Variants in RAPGEFL1 observed in about 807,000 individuals in gnomAD.
RAPGEFL1 encodes Rap guanine nucleotide exchange factor like 1, also known as rap guanine nucleotide exchange factor-like 1.
In RAPGEFL1, 31 loss-of-function variants were observed where a neutral mutation model predicts 64.4. The ratio of observed to expected loss-of-function variants is 0.48; its 90% CI spans 0.36 to 0.65. RAPGEFL1 has a LOEUF of 0.65. Ranked by LOEUF, RAPGEFL1 falls within the 30% of genes least tolerant of loss-of-function variation. The pLI is 0.00. For synonymous variants in RAPGEFL1, 331 were observed against 274.1 expected (o/e 1.21, Z -2.05); for missense variants, 682 against 677.4 (o/e 1.01, Z -0.08).
chr17:40,183,820 CTTT>C (rs754031449), intron 2 of RAPGEFL1, among the ~76,000 whole-genome samples: 1 of 95,142 alleles, frequency 1.1e-5, no homozygotes, highest in Non-Finnish European at 2.2e-5. Flanking sequence ...CGCGCCTGGC[CTTT>C]TTTTTTTTTG....
intron 5 of RAPGEFL1, 47 bp downstream of exon 5, chr17:40,189,025 G>A: frequency 6.4e-7 from 1 of 1,559,498 alleles, no homozygotes. Context: ...GTGGCTCAGG[G>A]GGACATATCT....
rs1990245867 is a variant in RAPGEFL1 at position 40,191,097 on chromosome 17, C to T, written c.1336-219C>T. The stretch of plus-strand genomic sequence containing the variant: ...ATGTCAGCCGTGAGCGAATGCCTGG[C>T]ACCTAGTAAGTGCTCAGTAGCTGGT... On this transcript the variant is annotated intron_variant, in intron 8 of 14. Coordinates refer to ENST00000620260, the MANE Select transcript of RAPGEFL1 (RefSeq NM_016339.6). The surrounding 1 kb of genome is among the most constrained non-coding windows in gnomAD (Gnocchi z 5.1). 5.0e-6 allele frequency: 3 copies of T among 599,430 alleles called. No homozygotes were observed. The South Asian group carries it at 6.3e-5, about 13-fold the overall frequency. 37.1% of individuals were successfully genotyped at this position (599,430 alleles called of 1,614,324 possible). A position where few individuals can be genotyped will look rare whatever the true frequency, so the allele number is the denominator to read the frequency against.
intron 1 of RAPGEFL1, among the ~76,000 whole-genome samples, chr17:40,179,954 C>T (rs1011939848): frequency 3.3e-5 from 5 of 152,282 alleles, no homozygotes; most frequent in South Asian, 2.1e-4. Flanking sequence ...CATAACTTCC[C>T]GCCTACACCA....
At chr17:40,177,416 A>C, upstream of RAPGEFL1, 2 of 437,744 alleles carry the variant, frequency 4.6e-6, no homozygotes, top group East Asian at 7.5e-5. Context: ...GAGGAAGGGT[A>C]GGGGCGGGGA....
intron 4 of RAPGEFL1, among the ~76,000 whole-genome samples, chr17:40,185,412 G>C (rs985063474): frequency 6.6e-6 from 1 of 151,558 alleles, no homozygotes; most frequent in Non-Finnish European, 1.5e-5. Context: ...GGGCAAGGTG[G>C]CTTATGCCTG....
Position 40,191,570 on chromosome 17 carries a change from C to T in RAPGEFL1, c.1515-12C>T. ...CGCCGCCCGCCCCTGACCCCGCCTCCCACCCCCGCAGCTGCAAGCAGAACC... is the reference window on the plus strand; with the variant it reads ...CGCCGCCCGCCCCTGACCCCGCCTCTCACCCCCGCAGCTGCAAGCAGAACC... On this transcript the variant is annotated splice_polypyrimidine_tract_variant and intron_variant, in intron 9 of 14. Transcript: ENST00000620260. The surrounding 1 kb of genome is among the most constrained non-coding windows in gnomAD (Gnocchi z 5.1). The T allele has an allele frequency of 6.3e-7, 1 of 1,597,844 alleles. No homozygotes were observed. The highest frequency in any genetic ancestry group is 8.5e-7 in the Non-Finnish European group (1 of 1,173,664).
chr17:40,177,762 G>T lies in RAPGEFL1; in HGVS notation c.-100G>T, dbSNP rs1041953321. The T allele has an allele frequency of 2.0e-4, 82 of 408,968 alleles. No homozygotes were observed. The highest frequency in any genetic ancestry group is 3.1e-4 in the Admixed American group (7 of 22,676). The allele number at this position is 408,968 out of a possible 1,614,324, so 25.3% of individuals were successfully genotyped here. On this transcript the variant is annotated 5_prime_UTR_variant, in exon 1 of 15. Coordinates refer to ENST00000620260, the MANE Select transcript of RAPGEFL1 (RefSeq NM_016339.6). ...GGCGCCTGGCACGGCCCTCTACTCT[G>T]CTCCTCCAGCTCTGAGCATCGTGTC...
rs530754993 is a variant in RAPGEFL1, at chr17:40,195,003, T to G, written c.*1215T>G. Reference sequence around the variant, plus strand: ...GGGTGCAGGGGCTCCTGGCAGCTACTGGGTGAGGTTTCCTGGCACAGACTC... The same window carrying G: ...GGGTGCAGGGGCTCCTGGCAGCTACGGGGTGAGGTTTCCTGGCACAGACTC... On this transcript the variant is annotated 3_prime_UTR_variant, in exon 15 of 15. Transcript: ENST00000620260. 6.5e-6 allele frequency: 1 copy of G among 152,808 alleles called. No homozygotes were observed. Among genetic ancestry groups the G allele is most frequent in the East Asian group, 1.9e-4 (1 of 5,184 alleles). The allele number at this position is 152,808 out of a possible 1,614,324, so 9.5% of individuals were successfully genotyped here. A position where few individuals can be genotyped will look rare whatever the true frequency, so the allele number is the denominator to read the frequency against.
intron 2 of RAPGEFL1, among the ~76,000 whole-genome samples, chr17:40,182,376 A>C (rs892420272): frequency 6.6e-6 from 1 of 151,352 alleles, no homozygotes; most frequent in African/African-American, 2.4e-5. Flanking sequence ...CAGTGGTGCG[A>C]CCTTGGCTCA....
chr17:40,191,136 T>C lies in RAPGEFL1; in HGVS notation c.1336-180T>C. 1.6e-6 allele frequency: 1 copy of C among 634,028 alleles called. No homozygotes were observed. The highest frequency in any genetic ancestry group is 2.7e-6 in the Non-Finnish European group (1 of 376,494). The allele number at this position is 634,028 out of a possible 1,614,324, so 39.3% of individuals were successfully genotyped here. On this transcript the variant is annotated intron_variant, in intron 8 of 14. Coordinates refer to ENST00000620260, the MANE Select transcript of RAPGEFL1 (RefSeq NM_016339.6). This position sits in a 1 kb window ranked among gnomAD's most constrained non-coding sequence, Gnocchi z 5.1. The stretch of plus-strand genomic sequence containing the variant: ...TCAGTAGCTGGTGAAATATTATTAA[T>C]GCTGGTTGTTTTCTTTTTCCGCATC...
Position 40,191,886 on chromosome 17 carries a change from A to G in RAPGEFL1, c.1605+214A>G, listed in dbSNP as rs1990286917. Among the ~76,000 whole-genome samples, 3 of 152,238 alleles carry G rather than the reference A, an allele frequency of 2.0e-5. No individual in the cohort carries two copies. The highest frequency in any genetic ancestry group is 7.2e-5 in the African/African-American group (3 of 41,460). ...GAAAAGCCCGGATCCCGCCTGAGTC[A>G]CGGCAGGCAGCCCTTGGCCAGGTCA... On this transcript the variant is annotated intron_variant, in intron 10 of 14. Transcript: ENST00000620260. The surrounding 1 kb of genome is among the most constrained non-coding windows in gnomAD (Gnocchi z 5.1).
intron 11 of RAPGEFL1, 113 bp downstream of exon 11, chr17:40,192,376 C>G: frequency 8.2e-7 from 1 of 1,222,828 alleles, no homozygotes; most frequent in Non-Finnish European, 1.2e-6. Context: ...GTATGGGACC[C>G]CCCACCCTCC....
intron 3 of RAPGEFL1, 39 bp downstream of exon 3, chr17:40,184,388 T>G (rs764880331): frequency 3.8e-6 from 6 of 1,558,578 alleles, no homozygotes; most frequent in Non-Finnish European, 8.7e-7. Context: ...AACAGGCTAT[T>G]AGCTCTGGAA....
At chr17:40,187,545 A>T (rs974768413) in intron 4 of RAPGEFL1, among the ~76,000 whole-genome samples, 1 of 150,082 alleles carries the variant, frequency 6.7e-6, no homozygotes, top group Non-Finnish European at 1.5e-5. Flanking sequence ...TGACACCTCA[A>T]CTCCTGCGCT....
intron 4 of RAPGEFL1, among the ~76,000 whole-genome samples, chr17:40,187,594 A>C (rs1387809311): frequency 1.3e-5 from 2 of 151,086 alleles, no homozygotes; most frequent in Non-Finnish European, 3.0e-5. Context: ...TCCACCCCAG[A>C]ATGCCCTCCT....
intron 2 of RAPGEFL1, among the ~76,000 whole-genome samples, 162 bp downstream of exon 2, chr17:40,181,856 C>T (rs1567691358): frequency 6.6e-6 from 1 of 151,876 alleles, no homozygotes; most frequent in Non-Finnish European, 1.5e-5. Context: ...CTGAGGCAGG[C>T]GGATCACCTG....
At chr17:40,181,567 G>A (rs773863073) in intron 1 of RAPGEFL1, 49 bp from the exon 2 acceptor site, 19 of 700,562 alleles carry the variant, frequency 2.7e-5, no homozygotes, top group East Asian at 8.1e-5. Context: ...TTCCAGTTTC[G>A]TTCTGGAAGT....
intron 2 of RAPGEFL1, 49 bp from the exon 3 acceptor site, chr17:40,184,165 A>T (rs1989986443): frequency 7.4e-7 from 1 of 1,353,638 alleles, no homozygotes; most frequent in Admixed American, 1.7e-5. Flanking sequence ...CTTTCTTCTC[A>T]ATTCCTCAGG....
chr17:40,184,506 C>T (rs945711073), intron 3 of RAPGEFL1, 75 bp from the exon 4 acceptor site: 245 of 1,163,018 alleles, frequency 2.1e-4, no homozygotes, highest in Non-Finnish European at 2.5e-4. Context: ...GTATGGAGAC[C>T]TTGCCCGGCC....
Sources: gnomAD v4.1 joint callset for allele counts (sites outside exome capture counted in the v4.1 genomes callset) on GRCh38, gnomAD v4.1.1 for gene constraint, Gnocchi (gnomAD v3.1) non-coding constraint, MANE v1.5 for transcripts, NCBI Gene and HGNC (gene_info 2026-07-23, HGNC 2026-07-21) for gene names.